MTHFD2: variants seen among roughly 807,000 people sequenced by gnomAD.
MTHFD2 encodes methylenetetrahydrofolate dehydrogenase (NADP+ dependent) 2, methenyltetrahydrofolate cyclohydrolase, also known as bifunctional methylenetetrahydrofolate dehydrogenase/cyclohydrolase, mitochondrial.
A neutral mutation model predicts 36.8 loss-of-function variants in MTHFD2; 26 were observed. That is an observed-to-expected ratio of 0.71 (90% CI 0.52 to 0.98). MTHFD2 has a LOEUF of 0.98. MTHFD2 is among the 50% of genes least tolerant of loss of function. The pLI is 0.00. For synonymous variants in MTHFD2, 164 were observed against 155.2 expected (o/e 1.06, Z -0.42); for missense variants, 373 against 434.0 (o/e 0.86, Z 1.25).
intron 7 of MTHFD2, among the ~76,000 whole-genome samples, chr2:74,213,752 A>G (rs62147684): frequency 0.21 from 32,478 of 152,026 alleles, 4,602 homozygotes; most frequent in Middle Eastern, 0.33. Context: ...TATACTTAAA[A>G]TTAAATTAAG....
rs746726992 is a variant in MTHFD2 at position 74,203,636 on chromosome 2, T to A, written c.102-2069T>A. 1.1e-4 allele frequency among the ~76,000 whole-genome samples: 16 copies of A among 152,166 alleles called. No homozygotes were observed. The East Asian group carries it at 2.1e-3, about 20-fold the overall frequency. ...GAGCAAGACTCTGTCTCAAAAAAAATAAATAAATAAATTAGCAGTTATCTT... is the reference window on the plus strand; with the variant it reads ...GAGCAAGACTCTGTCTCAAAAAAAAAAAATAAATAAATTAGCAGTTATCTT... On this transcript the variant is annotated intron_variant, in intron 1 of 7. Coordinates refer to ENST00000394053, the MANE Select transcript of MTHFD2 (RefSeq NM_006636.4).
intron 1 of MTHFD2, among the ~76,000 whole-genome samples, chr2:74,203,623 G>C (rs1354786569): frequency 1.3e-5 from 2 of 152,052 alleles, no homozygotes; most frequent in East Asian, 3.9e-4. Context: ...GCAAGACTCT[G>C]TCTCAAAAAA....
At chr2:74,209,878 C>T in intron 4 of MTHFD2, 64 bp from the exon 5 acceptor site, 3 of 1,414,838 alleles carry the variant, frequency 2.1e-6, no homozygotes, top group South Asian at 1.3e-5. Flanking sequence ...ATGTTCTAGG[C>T]CATCTGACTT....
At chr2:74,202,042 C>T (rs1235463420) in intron 1 of MTHFD2, among the ~76,000 whole-genome samples, 1 of 151,784 alleles carries the variant, frequency 6.6e-6, no homozygotes, top group Non-Finnish European at 1.5e-5. Context: ...CTGGCTTTTC[C>T]CAGAACCCTG....
intron 3 of MTHFD2, 34 bp downstream of exon 3, chr2:74,207,860 C>T: frequency 6.4e-7 from 1 of 1,561,814 alleles, no homozygotes; most frequent in Non-Finnish European, 8.8e-7. Flanking sequence ...ATGATTGCTG[C>T]TGCTTCTGCT....
Position 74,199,997 on chromosome 2 carries a change from A to G in MTHFD2, c.101+1255A>G, listed in dbSNP as rs112372864. 3.4e-3 allele frequency among the ~76,000 whole-genome samples: 514 copies of G among 152,332 alleles called. 5 individuals carry two copies. Among genetic ancestry groups the G allele is most frequent in the African/African-American group, 0.012 (485 of 41,570 alleles). ...TCAAAGATGAGAAAAACTGTTCTTAATGGAGCTCATGTTCCTGACAAGGGG... is the reference window on the plus strand; with the variant it reads ...TCAAAGATGAGAAAAACTGTTCTTAGTGGAGCTCATGTTCCTGACAAGGGG... On this transcript the variant is annotated intron_variant, in intron 1 of 7. Transcript: ENST00000394053.
chr2:74,205,052 T>G (rs574278689), intron 1 of MTHFD2, among the ~76,000 whole-genome samples: 1 of 152,258 alleles, frequency 6.6e-6, no homozygotes, highest in South Asian at 2.1e-4. Context: ...CTCGAACTCC[T>G]TACCTTGTGA....
intron 1 of MTHFD2, 147 bp from the exon 2 acceptor site, chr2:74,205,558 A>G (rs947688224): frequency 4.3e-6 from 3 of 698,548 alleles, no homozygotes; most frequent in Non-Finnish European, 7.2e-6. Context: ...TGCCCAGGCC[A>G]GTCTCAAACT....
intron 7 of MTHFD2, 72 bp downstream of exon 7, chr2:74,211,938 T>C: frequency 8.3e-7 from 1 of 1,202,846 alleles, no homozygotes; most frequent in Non-Finnish European, 1.1e-6. Flanking sequence ...TAGGATAGAT[T>C]ATTTACTTTT....
Position 74,217,036 on chromosome 2 carries a change from A to C in MTHFD2, c.*2794A>C, listed in dbSNP as rs1432470582. 6.6e-6 allele frequency: 1 copy of C among 152,194 alleles called. No homozygotes were observed. The highest frequency in any genetic ancestry group is 6.5e-5 in the Admixed American group (1 of 15,282). 9.4% of individuals were successfully genotyped at this position (152,194 alleles called of 1,614,324 possible). ...GGAAGGGAGCTCTGAGATTAAATGT[A>C]ATCAAACACTTATTGAGAGCTTTCT... is the stretch of plus-strand genomic sequence containing the variant. On this transcript the variant is annotated 3_prime_UTR_variant, in exon 8 of 8. Transcript: ENST00000394053.
rs972930527 is a variant in MTHFD2 at position 74,217,350 on chromosome 2, G to T, written c.*3108G>T. 4 of 152,302 alleles carry T rather than the reference G, an allele frequency of 2.6e-5. No individual in the cohort carries two copies. The highest frequency in any genetic ancestry group is 7.2e-5 in the African/African-American group (3 of 41,570). The allele number at this position is 152,302 out of a possible 1,614,324, so 9.4% of individuals were successfully genotyped here. A position where few individuals can be genotyped will look rare whatever the true frequency, so the allele number is the denominator to read the frequency against. ...ATTAAATGTGGATTGAAGATAAAAT[G>T]ACTGATCTTAAGTTTCATGAGGAAT... On this transcript the variant is annotated 3_prime_UTR_variant, in exon 8 of 8. Coordinates refer to ENST00000394053, the MANE Select transcript of MTHFD2 (RefSeq NM_006636.4).
chr2:74,203,876 G>GTT (rs34206840), intron 1 of MTHFD2, among the ~76,000 whole-genome samples: 2 of 39,322 alleles, frequency 5.1e-5, no homozygotes, highest in Non-Finnish European at 8.9e-5. Context: ...GTTTAGTTTA[G>GTT]TTTAGTTTAG....
At chr2:74,206,070 A>G in intron 2 of MTHFD2, 181 bp downstream of exon 2, 1 of 576,134 alleles carries the variant, frequency 1.7e-6, no homozygotes, top group Non-Finnish European at 3.0e-6. Flanking sequence ...GGGTTTATAC[A>G]GTAGGACAGG....
chr2:74,213,518 C>T (rs1052264572), intron 7 of MTHFD2, among the ~76,000 whole-genome samples: 11 of 152,020 alleles, frequency 7.2e-5, no homozygotes, highest in African/African-American at 2.2e-4. Context: ...CTCAAACAAT[C>T]TCCCCCACCT....
chr2:74,205,642 C>A, intron 1 of MTHFD2, 63 bp from the exon 2 acceptor site: 4 of 1,540,792 alleles, frequency 2.6e-6, no homozygotes, highest in Non-Finnish European at 3.5e-6. Context: ...CTACACCTGG[C>A]AGAGTTTTAG....
intron 7 of MTHFD2, among the ~76,000 whole-genome samples, chr2:74,212,328 C>A (rs1211019046): frequency 6.9e-6 from 1 of 144,292 alleles, no homozygotes; most frequent in Non-Finnish European, 1.5e-5. Flanking sequence ...TGCAGTGGCA[C>A]CATCTCGGCT....
intron 7 of MTHFD2, among the ~76,000 whole-genome samples, chr2:74,212,804 A>C (rs995998854): frequency 6.6e-6 from 1 of 152,096 alleles, no homozygotes; most frequent in African/African-American, 2.4e-5. Context: ...GAGATTTCTC[A>C]TTTTCACACT....
Position 74,198,707 on chromosome 2 carries a change from C to T in MTHFD2, c.66C>T (p.Ser22=), listed in dbSNP as rs1273410190. 1 of 1,611,356 alleles carries T rather than the reference C, an allele frequency of 6.2e-7. No individual in the cohort carries two copies. Among genetic ancestry groups the T allele is most frequent in the Non-Finnish European group, 8.5e-7 (1 of 1,179,074 alleles). ...TGCTGCAGCCCGCGCACAGCTGCTC[C>T]CTTCGCCTTCGCCCTTTCCACCTCG... The part of the protein sequence containing the change: ...ARLLQPAHSC[S]LRLRPFHLAA... The change falls in exon 1 of 8, where the codon TCC becomes TCT. Residue 22 remains serine (S), a synonymous_variant. Coordinates refer to ENST00000394053, the MANE Select transcript of MTHFD2 (RefSeq NM_006636.4).
intron 5 of MTHFD2, among the ~76,000 whole-genome samples, chr2:74,210,429 A>G (rs1694277820): frequency 1.3e-5 from 2 of 152,218 alleles, no homozygotes; most frequent in African/African-American, 4.8e-5. Context: ...GTATGACTGT[A>G]ATGTGTCCTG....
Sources: allele counts gnomAD v4.1 joint callset (sites outside exome capture counted in the v4.1 genomes callset), GRCh38; gene constraint gnomAD v4.1.1; transcripts MANE v1.5; gene names NCBI Gene and HGNC (gene_info 2026-07-23, HGNC 2026-07-21).